The following NHERF4 variants were observed in gnomAD, a reference collection of about 807,000 sequenced individuals.
NHERF4 encodes the protein Na(+)/H(+) exchange regulatory cofactor NHE-RF4.
the NHERF4 span, chr11:119,188,904 C>T: frequency 3.1e-6 from 5 of 1,611,522 alleles, no homozygotes; most frequent in Non-Finnish European, 4.2e-6. Flanking sequence ...TCCCTTCGAT[C>T]CTTTGCTGCC....
At chr11:119,186,177 A>AC in the NHERF4 span, 1 of 1,612,932 alleles carries the variant, frequency 6.2e-7, no homozygotes, top group Non-Finnish European at 8.5e-7. The surrounding 1 kb of genome is among the most constrained non-coding windows in gnomAD (Gnocchi z 4.4). Flanking sequence ...TAACTCCCTC[A>AC]CCCCCTGGCA....
At chr11:119,189,143 C>A in the NHERF4 span, 1 of 1,613,882 alleles carries the variant, frequency 6.2e-7, no homozygotes, top group Non-Finnish European at 8.5e-7. This position sits in a 1 kb window ranked among gnomAD's most constrained non-coding sequence, Gnocchi z 5.8. Context: ...ACCCCTCTGC[C>A]TGAAGCTGGC....
chr11:119,185,516 AG>A, the NHERF4 span: 1 of 1,613,858 alleles, frequency 6.2e-7, no homozygotes, highest in Non-Finnish European at 8.5e-7. Flanking sequence ...CGCAGGTAGG[AG>A]GCCAGGAGAA....
the NHERF4 span, chr11:119,188,619 G>T: frequency 7.4e-6 from 12 of 1,613,146 alleles, no homozygotes; most frequent in Non-Finnish European, 8.5e-6. Flanking sequence ...CGAAAGATTT[G>T]CTCTCCCTGC....
At chr11:119,187,184 T>C in the NHERF4 span, 1 of 1,131,544 alleles carries the variant, frequency 8.8e-7, no homozygotes. Context: ...CCGATTCCCT[T>C]GGCAAAAAAA....
chr11:119,189,396 G>A, the NHERF4 span: 105 of 1,579,390 alleles, frequency 6.6e-5, no homozygotes, highest in Middle Eastern at 1.7e-4. This position sits in a 1 kb window ranked among gnomAD's most constrained non-coding sequence, Gnocchi z 5.8. Flanking sequence ...AGTGCAGGGC[G>A]GGGCAAGAAA....
the NHERF4 span, chr11:119,188,067 G>A: frequency 9.0e-6 from 14 of 1,551,864 alleles, no homozygotes; most frequent in East Asian, 7.3e-5. Context: ...ACCAAGCCCC[G>A]CTGCCTGCAC....
At chr11:119,185,619 C>G in the NHERF4 span, 2 of 1,087,934 alleles carry the variant, frequency 1.8e-6, no homozygotes, top group Non-Finnish European at 2.8e-6. Context: ...GGCTTGGAGC[C>G]CTGAGGCAGG....
the NHERF4 span, chr11:119,190,125 G>C: frequency 1.6e-6 from 1 of 617,262 alleles, no homozygotes; most frequent in Non-Finnish European, 2.7e-6. This position sits in a 1 kb window ranked among gnomAD's most constrained non-coding sequence, Gnocchi z 4.2. Flanking sequence ...CCAGAACTGA[G>C]ATGTCTGTAT....
At chr11:119,188,040 AG>A in the NHERF4 span, 1 of 1,555,452 alleles carries the variant, frequency 6.4e-7, no homozygotes, top group Non-Finnish European at 8.7e-7. Flanking sequence ...CCCCTGGCAG[AG>A]GGCTGGGCAC....
the NHERF4 span, chr11:119,186,026 C>A: frequency 1.9e-6 from 3 of 1,611,948 alleles, no homozygotes; most frequent in Non-Finnish European, 2.5e-6. This position sits in a 1 kb window ranked among gnomAD's most constrained non-coding sequence, Gnocchi z 4.4. Context: ...CCATTAGCAC[C>A]TAAAGGAGAT....
At chr11:119,187,913 T>C in the NHERF4 span, 48 of 1,523,510 alleles carry the variant, frequency 3.2e-5, no homozygotes, top group Admixed American at 4.2e-5. Context: ...CCAGGTGTTA[T>C]ACTGATGCCC....
the NHERF4 span, chr11:119,187,493 T>G: frequency 1.2e-6 from 2 of 1,613,248 alleles, no homozygotes; most frequent in Non-Finnish European, 1.7e-6. Flanking sequence ...GCGGCAAGGA[T>G]GAGGGATCTC....
At chr11:119,187,332 A>G in the NHERF4 span, 1 of 1,613,318 alleles carries the variant, frequency 6.2e-7, no homozygotes, top group African/African-American at 1.3e-5. Flanking sequence ...CACGGCATGC[A>G]CATGACGTGG....
chr11:119,188,379 C>G, the NHERF4 span: 1 of 1,613,930 alleles, frequency 6.2e-7, no homozygotes, highest in Non-Finnish European at 8.5e-7. Flanking sequence ...GAGGTGGACC[C>G]GGGACTGCCA....
At chr11:119,188,052 T>C in the NHERF4 span, 1 of 1,553,662 alleles carries the variant, frequency 6.4e-7, no homozygotes, top group East Asian at 2.4e-5. Flanking sequence ...GGCTGGGCAC[T>C]GCCCACCAAG....
At chr11:119,188,339 G>C in the NHERF4 span, 16 of 1,613,546 alleles carry the variant, frequency 9.9e-6, no homozygotes, top group African/African-American at 1.3e-5. Context: ...GAGCAGTGAG[G>C]ATGTCTATGC....
chr11:119,189,675 G>A, the NHERF4 span: 2 of 676,064 alleles, frequency 3.0e-6, no homozygotes, highest in African/African-American at 1.8e-5. The surrounding 1 kb of genome is among the most constrained non-coding windows in gnomAD (Gnocchi z 5.8). Flanking sequence ...GGGTGTGGTT[G>A]GAGGCCTCAG....
chr11:119,187,713 G>A, the NHERF4 span: 1 of 1,492,058 alleles, frequency 6.7e-7, no homozygotes, highest in Admixed American at 2.5e-5. Context: ...GTGACTGCCT[G>A]TCTCCCACTC....
Sources: gnomAD v4.1 joint callset for allele counts on GRCh38, gnomAD v4.1.1 for gene constraint, Gnocchi (gnomAD v3.1) non-coding constraint, MANE v1.5 for transcripts, NCBI Gene and HGNC (gene_info 2026-07-23, HGNC 2026-07-21) for gene names.